PPP1R12A: variants seen among roughly 807,000 people sequenced by gnomAD.
The protein encoded by PPP1R12A is myosin binding subunit.
In PPP1R12A, 19 loss-of-function variants were observed where a neutral mutation model predicts 139.6. The observed-to-expected ratio is 0.14, with a 90% CI of 0.09 to 0.20. PPP1R12A has a LOEUF of 0.20. PPP1R12A is among the 10% of genes least tolerant of loss of function. PPP1R12A has a pLI of 1.00. For missense variants in PPP1R12A, 925 were observed against 1,211.5 expected (o/e 0.76, Z 3.51); for synonymous variants, 427 against 420.6 (o/e 1.02, Z -0.19).
chr12:79,913,071 T>C (rs1592821063), intron 1 of PPP1R12A, among the ~76,000 whole-genome samples: 2 of 152,388 alleles, frequency 1.3e-5, no homozygotes, highest in South Asian at 2.1e-4. Context: ...CTGATATCTA[T>C]TGTGCTCTTA....
At position 79,786,524 on chromosome 12, in the gene PPP1R12A, ATTAC is replaced by A. The variant is rs1356856157; in HGVS notation, c.2803-50_2803-47del. ...GAACAAATTACTTTTCTGCTCTCCT[ATTAC>A]TTTAAAATTTCTCATTGATTACTTT... On this transcript the variant is annotated intron_variant, in intron 21 of 24. Transcript: ENST00000450142. 1.2e-5 allele frequency: 15 copies of A among 1,232,062 alleles called. No individual in the cohort carries two copies. In the East Asian group the frequency reaches 3.6e-4, roughly 30 times the overall value. 76.3% of individuals were successfully genotyped at this position (1,232,062 alleles called of 1,614,324 possible).
At chr12:79,806,714 G>T in intron 12 of PPP1R12A, 2 of 176,544 alleles carry the variant, frequency 1.1e-5, no homozygotes, top group South Asian at 3.0e-4. Context: ...TCAGCAATGG[G>T]TCAGATACCT....
intron 19 of PPP1R12A, among the ~76,000 whole-genome samples, chr12:79,791,736 A>G (rs1871896405): frequency 6.6e-6 from 1 of 152,216 alleles, no homozygotes; most frequent in Non-Finnish European, 1.5e-5. Flanking sequence ...AATTATATTC[A>G]TATTGTTGTG....
chr12:79,902,701 CA>C (rs1885758307), intron 1 of PPP1R12A, among the ~76,000 whole-genome samples: 1 of 151,912 alleles, frequency 6.6e-6, no homozygotes, highest in South Asian at 2.1e-4. Context: ...CTAATTCTAC[CA>C]AAAATAACAA....
chr12:79,779,220 AGT>A, intron 23 of PPP1R12A: 1 of 885,158 alleles, frequency 1.1e-6, no homozygotes, highest in Non-Finnish European at 1.6e-6. Context: ...ACATTATTGC[AGT>A]GTACTGTTTT....
In PPP1R12A at chr12:79,935,031, T is replaced by G; in HGVS notation, c.-100A>C. 6.9e-7 allele frequency: 1 copy of G among 1,450,604 alleles called. No individual in the cohort carries two copies. The highest frequency in any genetic ancestry group is 1.4e-5 in the African/African-American group (1 of 70,740). The allele number at this position is 1,450,604 out of a possible 1,614,324, so 89.9% of individuals were successfully genotyped here. On this transcript the variant is annotated 5_prime_UTR_variant, in exon 1 of 25. Transcript: ENST00000450142. ...GGGGGTGTGTGAATGTTTCTATGAGTGCGGGCCAGAGGAGGGCTGGGAACC... is the reference window on the plus strand; with the variant it reads ...GGGGGTGTGTGAATGTTTCTATGAGGGCGGGCCAGAGGAGGGCTGGGAACC...
chr12:79,903,243 G>A (rs1277127145), intron 1 of PPP1R12A, among the ~76,000 whole-genome samples: 8 of 152,208 alleles, frequency 5.3e-5, no homozygotes, highest in South Asian at 2.1e-4. Flanking sequence ...ACAAAGTCAA[G>A]AGTTCAAGAC....
At chr12:79,911,678 A>G (rs969514527) in intron 1 of PPP1R12A, among the ~76,000 whole-genome samples, 1 of 152,008 alleles carries the variant, frequency 6.6e-6, no homozygotes, top group Non-Finnish European at 1.5e-5. Flanking sequence ...CAAACATATC[A>G]TAATTTTTTT....
At chr12:79,800,302 CCCT>C in intron 14 of PPP1R12A, among the ~76,000 whole-genome samples, 1 of 152,284 alleles carries the variant, frequency 6.6e-6, no homozygotes, top group African/African-American at 2.4e-5. Context: ...CAAGACCAAT[CCCT>C]CCTCTTCCTC....
rs11351562 is a variant in PPP1R12A, at chr12:79,774,634, TAA to T, written c.*1293_*1294del. ...ACTTGGTTTTGCGCTTTTTTTTCCT[TAA>T]AAAAAAAAAAAGGCCACTGAAATGT... On this transcript the variant is annotated 3_prime_UTR_variant, in exon 25 of 25. Transcript: ENST00000450142. The T allele has an allele frequency of 0.035, 5,017 of 145,200 alleles. 267 individuals carry two copies. Among genetic ancestry groups the T allele is most frequent in the African/African-American group, 0.11 (4,486 of 39,640 alleles). 9.0% of individuals were successfully genotyped at this position (145,200 alleles called of 1,614,324 possible).
At chr12:79,879,800 T>C (rs2137371135) in intron 1 of PPP1R12A, among the ~76,000 whole-genome samples, 1 of 152,104 alleles carries the variant, frequency 6.6e-6, no homozygotes, top group East Asian at 1.9e-4. Context: ...TATACATATG[T>C]GAAATTTCAC....
At chr12:79,873,089 A>G (rs1012156142) in intron 1 of PPP1R12A, among the ~76,000 whole-genome samples, 151 bp from the exon 2 acceptor site, 1 of 152,172 alleles carries the variant, frequency 6.6e-6, no homozygotes, top group Non-Finnish European at 1.5e-5. Context: ...ACTCCATCAA[A>G]CATGCTAATG....
rs1376562463 is a variant in PPP1R12A at position 79,922,694 on chromosome 12, G to C, written c.237+12001C>G. Reference sequence around the variant, plus strand: ...ACACTGGGGCCTGTCGGGGGCTCAGGGGCAAGGGTAGGGAGAGCATTAGGA... The same window carrying C: ...ACACTGGGGCCTGTCGGGGGCTCAGCGGCAAGGGTAGGGAGAGCATTAGGA... On this transcript the variant is annotated intron_variant, in intron 1 of 24. Coordinates refer to ENST00000450142, the MANE Select transcript of PPP1R12A (RefSeq NM_002480.3). 2.6e-5 allele frequency among the ~76,000 whole-genome samples: 4 copies of C among 152,074 alleles called. No homozygotes were observed. The East Asian group carries it at 5.8e-4, about 22-fold the overall frequency.
chr12:79,819,898 A>G lies in PPP1R12A; in HGVS notation c.1114+876T>C, dbSNP rs1305813056. Among the ~76,000 whole-genome samples the G allele has an allele frequency of 2.0e-5, 3 of 152,254 alleles. No homozygotes were observed. In the East Asian group the frequency reaches 5.8e-4, roughly 29 times the overall value. ...AAGGTAAATGTTCATCAGAATGGAA[A>G]CAGACATATTTAATAGAATACTATA... is the stretch of plus-strand genomic sequence containing the variant. On this transcript the variant is annotated intron_variant, in intron 8 of 24. Coordinates refer to ENST00000450142, the MANE Select transcript of PPP1R12A (RefSeq NM_002480.3).
At chr12:79,806,089 A>G in intron 13 of PPP1R12A, 77 bp downstream of exon 13, 1 of 1,471,198 alleles carries the variant, frequency 6.8e-7, no homozygotes, top group Non-Finnish European at 9.2e-7. Context: ...CCAGAGCCCC[A>G]CAATCTTCTA....
chr12:79,924,586 G>C (rs1006731094), intron 1 of PPP1R12A, among the ~76,000 whole-genome samples: 7 of 152,016 alleles, frequency 4.6e-5, no homozygotes, highest in African/African-American at 1.7e-4. Flanking sequence ...GTGTCGCCAT[G>C]CTCAGCTAAT....
At chr12:79,839,507 T>C (rs1592695170) in intron 3 of PPP1R12A, among the ~76,000 whole-genome samples, 3 of 152,306 alleles carry the variant, frequency 2.0e-5, no homozygotes, top group Admixed American at 6.5e-5. Context: ...AAATCTCATC[T>C]TGAATTGTAG....
Position 79,872,957 on chromosome 12 carries a change from G to A in PPP1R12A, c.238-19C>T. On this transcript the variant is annotated intron_variant, in intron 1 of 24. Coordinates refer to ENST00000450142, the MANE Select transcript of PPP1R12A (RefSeq NM_002480.3). ...TGCAAGCCTAAAAACAAAACAGAAA[G>A]CAAGATTGGAAAAAATACGAATTAA... 1 of 1,603,204 alleles carries A rather than the reference G, an allele frequency of 6.2e-7. No individual in the cohort carries two copies. The highest frequency in any genetic ancestry group is 8.5e-7 in the Non-Finnish European group (1 of 1,174,844).
chr12:79,855,145 C>G (rs368238806), intron 2 of PPP1R12A, among the ~76,000 whole-genome samples: 1 of 151,968 alleles, frequency 6.6e-6, no homozygotes, highest in Non-Finnish European at 1.5e-5. Flanking sequence ...CCTGCCACCA[C>G]GCCCGGCTAA....
Sources: allele counts gnomAD v4.1 joint callset (sites outside exome capture counted in the v4.1 genomes callset), GRCh38; gene constraint gnomAD v4.1.1; transcripts MANE v1.5; gene names NCBI Gene and HGNC (gene_info 2026-07-23, HGNC 2026-07-21).